DENND3: variants seen among roughly 807,000 people sequenced by gnomAD.
DENND3 encodes DENN domain containing 3.
In DENND3, 88 loss-of-function variants were observed where a neutral mutation model predicts 135.1. The observed-to-expected ratio is 0.65, with a 90% confidence interval of 0.55 to 0.78. The LOEUF is 0.78. Ranked by LOEUF, DENND3 falls within the 30% of genes least tolerant of loss-of-function variation. The probability of loss-of-function intolerance (pLI) is 0.00; values close to 1 mark genes in which losing one functional copy is unlikely to be tolerated. For synonymous variants in DENND3, 693 were observed against 712.3 expected, an observed-to-expected ratio of 0.97 and a Z score of 0.43; for missense variants, 1,392 against 1,688.4, an observed-to-expected ratio of 0.82 and a Z score of 3.08.
At chr8:141,193,782 G>T in intron 22 of DENND3, 1 of 569,992 alleles carries the variant, frequency 1.8e-6, no homozygotes. Context: ...GAACACTTAA[G>T]ATGCACCCCA....
chr8:141,167,136 C>A lies in DENND3; in HGVS notation c.1753+747C>A, dbSNP rs1428467653. On this transcript the variant is annotated intron_variant, in intron 12 of 22. Coordinates refer to ENST00000519811, the MANE Select transcript of DENND3 (RefSeq NM_001352890.3). This position sits in a 1 kb window ranked among gnomAD's most constrained non-coding sequence, Gnocchi z 4.1. Reference sequence around the variant, plus strand: ...AGGGGCAGTGCGCATGAATGACAGACCACGTTGTCTTTATCGGCTGAGCGC... The same window carrying A: ...AGGGGCAGTGCGCATGAATGACAGAACACGTTGTCTTTATCGGCTGAGCGC... Among the ~76,000 whole-genome samples, 2 of 152,300 alleles carry A rather than the reference C, an allele frequency of 1.3e-5. No individual in the cohort carries two copies. Among genetic ancestry groups the A allele is most frequent in the African/African-American group, 4.8e-5 (2 of 41,558 alleles).
chr8:141,169,466 C>T (rs1207519825), intron 13 of DENND3, among the ~76,000 whole-genome samples: 1 of 152,228 alleles, frequency 6.6e-6, no homozygotes, highest in Non-Finnish European at 1.5e-5. Context: ...GAACCATGGC[C>T]TCGGCTGAAA....
rs1825153849 is a variant in DENND3, at chr8:141,194,552, G to C, written c.*319G>C. 2.9e-6 allele frequency: 1 copy of C among 349,482 alleles called. No individual in the cohort carries two copies. Among genetic ancestry groups the C allele is most frequent in the African/African-American group, 2.1e-5 (1 of 48,356 alleles). 21.6% of individuals were successfully genotyped at this position (349,482 alleles called of 1,614,324 possible). A position where few individuals can be genotyped will look rare whatever the true frequency, so the allele number is the denominator to read the frequency against. On this transcript the variant is annotated 3_prime_UTR_variant, in exon 23 of 23. Transcript: ENST00000519811. ...AAAGTTCTGGAATCCACAACCAGGG[G>C]CTGGCACTGGAGCCAGCAGCTTGGC...
intron 13 of DENND3, among the ~76,000 whole-genome samples, chr8:141,171,592 A>G (rs1394841926): frequency 6.6e-6 from 1 of 152,234 alleles, no homozygotes; most frequent in Non-Finnish European, 1.5e-5. Context: ...AGGACTGGGC[A>G]TTGTGTCTAC....
Position 141,158,005 on chromosome 8 carries a change from C to A in DENND3, c.1196+2035C>A, listed in dbSNP as rs1047708556. On this transcript the variant is annotated intron_variant, in intron 8 of 22. Coordinates refer to ENST00000519811, the MANE Select transcript of DENND3 (RefSeq NM_001352890.3). ...GAACTCCTGACCTCAGGTGATCCAC[C>A]TGCCTGGGCCTCCCAGAGTGCTCAG... The A allele has an allele frequency of 6.2e-6, 7 of 1,127,812 alleles. No homozygotes were observed. The African/African-American group carries it at 9.9e-5, about 16-fold the overall frequency. 69.9% of individuals were successfully genotyped at this position (1,127,812 alleles called of 1,614,324 possible).
chr8:141,161,747 C>T (rs1820150204), intron 9 of DENND3, among the ~76,000 whole-genome samples: 4 of 151,036 alleles, frequency 2.6e-5, no homozygotes, highest in Admixed American at 2.6e-4. Context: ...ACAGAGCCTG[C>T]TGGCTTGATC....
In DENND3 at chr8:141,183,421, T is replaced by G. The variant is rs1171096397; in HGVS notation, c.2945-1718T>G. Among the ~76,000 whole-genome samples, 7 of 108,700 alleles carry G rather than the reference T, an allele frequency of 6.4e-5. No homozygotes were observed. The African/African-American group carries it at 7.8e-4, about 12-fold the overall frequency. The allele number at this position is 108,700 out of a possible 152,430, so 71.3% of individuals were successfully genotyped here. On this transcript the variant is annotated intron_variant, in intron 17 of 22. Coordinates refer to ENST00000519811, the MANE Select transcript of DENND3 (RefSeq NM_001352890.3). ...CACTATGCCCAGCCAATTTTTGTAT[T>G]TTTTTTTTTTTTTTTTGTAGAGATG...
intron 22 of DENND3, chr8:141,193,462 T>C (rs551367272): frequency 9.3e-5 from 15 of 161,398 alleles, no homozygotes; most frequent in Admixed American, 5.8e-4. Context: ...ACCGTGAACC[T>C]GCGCAGCTAG....
chr8:141,128,770 G>A lies in DENND3; in HGVS notation c.63G>A (p.Leu21=), dbSNP rs1198575319. The change falls in exon 1 of 23, where the codon CTG becomes CTA. Residue 21 remains leucine, a synonymous_variant. Coordinates refer to ENST00000519811, the MANE Select transcript of DENND3 (RefSeq NM_001352890.3). The surrounding 1 kb of genome is among the most constrained non-coding windows in gnomAD (Gnocchi z 4.5). ...CGGGGCTGCTGGAGCTCTGCGCGCTGCTGGGCGCCCCCCGGGACAGTCTCC... is the reference window on the plus strand; with the variant it reads ...CGGGGCTGCTGGAGCTCTGCGCGCTACTGGGCGCCCCCCGGGACAGTCTCC... ...LPSGLLELCA[L]LGAPRDSLRS... 2.7e-6 allele frequency: 4 copies of A among 1,471,148 alleles called. No homozygotes were observed. The highest frequency in any genetic ancestry group is 2.3e-5 in the Admixed American group (1 of 43,626). 91.1% of individuals were successfully genotyped at this position (1,471,148 alleles called of 1,614,324 possible).
intron 1 of DENND3, among the ~76,000 whole-genome samples, chr8:141,134,044 G>A (rs1381952352): frequency 6.6e-6 from 1 of 152,058 alleles, no homozygotes; most frequent in Non-Finnish European, 1.5e-5. Flanking sequence ...GGCCAGAGAG[G>A]AGCCATCAGA....
intron 2 of DENND3, 148 bp downstream of exon 2, chr8:141,136,939 C>A (rs1401710161): frequency 1.5e-6 from 1 of 672,724 alleles, no homozygotes; most frequent in Non-Finnish European, 2.1e-6. Context: ...ATTTAGTTTT[C>A]TTAATCTTGG....
chr8:141,192,242 T>G (rs1824848723), intron 20 of DENND3, 89 bp from the exon 21 acceptor site: 1 of 1,544,116 alleles, frequency 6.5e-7, no homozygotes, highest in South Asian at 1.2e-5. Context: ...ATCACCACGC[T>G]GGAAAGAGCA....
intron 1 of DENND3, chr8:141,129,952 GC>G (rs1312760469): frequency 6.6e-6 from 1 of 152,210 alleles, no homozygotes; most frequent in African/African-American, 2.4e-5. Context: ...TCCCTTCAAC[GC>G]CCTGTCATGT....
At chr8:141,140,998 A>G (rs1180421137) in intron 3 of DENND3, among the ~76,000 whole-genome samples, 1 of 152,200 alleles carries the variant, frequency 6.6e-6, no homozygotes, top group African/African-American at 2.4e-5. Context: ...TGCTCTCTTT[A>G]TAGCCTCAGC....
intron 17 of DENND3, among the ~76,000 whole-genome samples, chr8:141,184,219 T>C (rs1335895496): frequency 6.6e-6 from 1 of 152,274 alleles, no homozygotes; most frequent in Admixed American, 6.5e-5. Flanking sequence ...TCATTGCTTT[T>C]AATGTAGTCA....
rs187223142 is a variant in DENND3 at position 141,144,007 on chromosome 8, T to C, written c.624-141T>C. 1 of 651,362 alleles carries C rather than the reference T, an allele frequency of 1.5e-6. No individual in the cohort carries two copies. The highest frequency in any genetic ancestry group is 1.9e-5 in the African/African-American group (1 of 52,414). The allele number at this position is 651,362 out of a possible 1,614,324, so 40.3% of individuals were successfully genotyped here. On this transcript the variant is annotated intron_variant, in intron 4 of 22. Coordinates refer to ENST00000519811, the MANE Select transcript of DENND3 (RefSeq NM_001352890.3). This position sits in a 1 kb window ranked among gnomAD's most constrained non-coding sequence, Gnocchi z 4.4. ...GCCACTCTGCTGTCACCCAGCAGCTTGGTGACTTTGCTTTTGGTGAAAGGT... is the reference window on the plus strand; with the variant it reads ...GCCACTCTGCTGTCACCCAGCAGCTCGGTGACTTTGCTTTTGGTGAAAGGT...
intron 4 of DENND3, 148 bp from the exon 5 acceptor site, chr8:141,144,000 A>G (rs1487684772): frequency 2.5e-5 from 16 of 633,282 alleles, no homozygotes; most frequent in Non-Finnish European, 4.3e-5. Flanking sequence ...GCTGTCACCC[A>G]GCAGCTTGGT....
chr8:141,141,545 C>T lies in DENND3; in HGVS notation c.623+221C>T, dbSNP rs942626462. On this transcript the variant is annotated intron_variant, in intron 4 of 22. Coordinates refer to ENST00000519811, the MANE Select transcript of DENND3 (RefSeq NM_001352890.3). The surrounding 1 kb of genome is among the most constrained non-coding windows in gnomAD (Gnocchi z 5.3). ...GGGCAGTGGGCAGGGGGTGTGGCAG[C>T]GGGCGCTCCTCTCTGTGACTGGTAA... is the stretch of plus-strand genomic sequence containing the variant. The T allele has an allele frequency of 1.4e-5, 8 of 566,814 alleles. No homozygotes were observed. The highest frequency in any genetic ancestry group is 5.7e-5 in the African/African-American group (3 of 53,026). 35.1% of individuals were successfully genotyped at this position (566,814 alleles called of 1,614,324 possible).
At position 141,175,337 on chromosome 8, in the gene DENND3, T is replaced by C. The variant is rs200063453; in HGVS notation, c.2413T>C (p.Leu805=). 1 of 1,614,186 alleles carries C rather than the reference T, an allele frequency of 6.2e-7. No individual in the cohort carries two copies. Among genetic ancestry groups the C allele is most frequent in the Non-Finnish European group, 8.5e-7 (1 of 1,180,030 alleles). ...GGATAAAAACGAGTGTGTGTGTAAG[T>C]TGTCCAGCTCCGTCAAGACAAACCT... ...HLDKNECVCK[L]SSSVKTNLGV... is the part of the protein sequence containing the mutation. Residue 805 remains leucine (L), a synonymous_variant, in exon 14 of 23, where the codon TTG becomes CTG. Transcript: ENST00000519811. This position sits in a 1 kb window ranked among gnomAD's most constrained non-coding sequence, Gnocchi z 5.4.
Sources: gnomAD v4.1 joint callset for allele counts (sites outside exome capture counted in the v4.1 genomes callset) on GRCh38, gnomAD v4.1.1 for gene constraint, Gnocchi (gnomAD v3.1) non-coding constraint, MANE v1.5 for transcripts, NCBI Gene and HGNC (gene_info 2026-07-23, HGNC 2026-07-21) for gene names.